The following TRPM2 variants were observed in gnomAD, a reference collection of about 807,000 sequenced individuals.
TRPM2 encodes the protein transient receptor potential cation channel subfamily M member 2, also known as estrogen-responsive element-associated gene 1 protein.
In TRPM2, 161 loss-of-function variants were observed where a neutral mutation model predicts 174.0. The ratio of observed to expected loss-of-function variants is 0.93; its 90% CI spans 0.81 to 1.05. The LOEUF is 1.05. TRPM2 is among the 50% of genes least tolerant of loss of function. The pLI, the probability that TRPM2 is intolerant of heterozygous loss-of-function variation, is 0.00. For missense variants in TRPM2, 2,057 were observed against 2,038.0 expected, an observed-to-expected ratio of 1.01 and a Z score of -0.18; for synonymous variants, 954 against 861.3, an observed-to-expected ratio of 1.11 and a Z score of -1.88.
chr21:44,401,586 G>T, intron 15 of TRPM2, 95 bp from the exon 16 acceptor site: 2 of 1,319,128 alleles, frequency 1.5e-6, no homozygotes, highest in South Asian at 1.2e-5. Context: ...ACATCTCTCT[G>T]AGGGGCACGG....
In TRPM2 at chr21:44,431,752, G is replaced by A. The variant is rs143256985; in HGVS notation, c.3975-3379G>A. Among the ~76,000 whole-genome samples, 442 of 152,258 alleles carry A rather than the reference G, an allele frequency of 2.9e-3. 1 individual carries two copies. Among genetic ancestry groups the A allele is most frequent in the African/African-American group, 9.7e-3 (401 of 41,550 alleles). On this transcript the variant is annotated intron_variant, in intron 27 of 31. Transcript: ENST00000397928. ...TGGCCTCCCAATGTGCTAGGATTAC[G>A]GGCGTGAGCCACTATGCCTGGTCAT... is the stretch of plus-strand genomic sequence containing the variant.
intron 23 of TRPM2, among the ~76,000 whole-genome samples, chr21:44,424,415 C>T (rs1445364229): frequency 6.6e-6 from 1 of 152,236 alleles, no homozygotes; most frequent in Non-Finnish European, 1.5e-5. Context: ...AGACATGTCC[C>T]ACTGTCCCCT....
rs1357201424 is a variant in TRPM2 at position 44,406,577 on chromosome 21, C to A, written c.2791-17C>A. On this transcript the variant is annotated splice_polypyrimidine_tract_variant and intron_variant, in intron 18 of 31. Transcript: ENST00000397928. ...GGGGGCCAGGAGAGTGTAGCCCACA[C>A]ACTCTCTGTCCTGCAGATGAAGGAC... The A allele has an allele frequency of 1.9e-6, 3 of 1,602,624 alleles. No individual in the cohort carries two copies. Among genetic ancestry groups the A allele is most frequent in the South Asian group, 2.2e-5 (2 of 90,470 alleles).
At chr21:44,355,968 C>T (rs1202598873) in intron 2 of TRPM2, among the ~76,000 whole-genome samples, 1 of 151,506 alleles carries the variant, frequency 6.6e-6, no homozygotes, top group East Asian at 1.9e-4. Context: ...CATCCTTCAG[C>T]ATACTTTAAA....
At chr21:44,412,431 G>A (rs1392868460) in intron 19 of TRPM2, among the ~76,000 whole-genome samples, 12 of 152,012 alleles carry the variant, frequency 7.9e-5, no homozygotes. Context: ...TGTAAGATTA[G>A]TAGTAATATC....
At chr21:44,420,443 A>G (rs1160804442) in intron 22 of TRPM2, among the ~76,000 whole-genome samples, 1 of 152,204 alleles carries the variant, frequency 6.6e-6, no homozygotes, top group Non-Finnish European at 1.5e-5. Flanking sequence ...AGGAAATCCT[A>G]TGCAATTCTG....
At position 44,430,694 on chromosome 21, in the gene TRPM2, G is replaced by A. The variant is rs554918064; in HGVS notation, c.3974+3583G>A. On this transcript the variant is annotated intron_variant, in intron 27 of 31. Transcript: ENST00000397928. The stretch of plus-strand genomic sequence containing the variant: ...TCCACCCGCCTCGGCCTCCCAAAGT[G>A]CTGGGATTACAGGCGTGAGCCACCG... 2.6e-4 allele frequency among the ~76,000 whole-genome samples: 2 copies of A among 7,780 alleles called. 1 individual carries two copies. Among genetic ancestry groups the A allele is most frequent in the South Asian group, 6.8e-3 (2 of 294 alleles). 5.1% of individuals were successfully genotyped at this position (7,780 alleles called of 152,430 possible). A position where few individuals can be genotyped will look rare whatever the true frequency, so the allele number is the denominator to read the frequency against.
chr21:44,437,211 T>C, intron 29 of TRPM2, 44 bp downstream of exon 29: 3 of 1,512,292 alleles, frequency 2.0e-6, no homozygotes, highest in Non-Finnish European at 2.7e-6. Flanking sequence ...GGGCTGTCTG[T>C]GGGTCACTCG....
At position 44,366,009 on chromosome 21, in the gene TRPM2, C is replaced by T. The variant is rs148684374; in HGVS notation, c.424-745C>T. Among the ~76,000 whole-genome samples the T allele has an allele frequency of 3.7e-3, 564 of 152,338 alleles. 3 individuals are homozygous for T. The highest frequency in any genetic ancestry group is 0.013 in the African/African-American group (545 of 41,582). On this transcript the variant is annotated intron_variant, in intron 3 of 31. Coordinates refer to ENST00000397928, the MANE Select transcript of TRPM2 (RefSeq NM_003307.4). The surrounding 1 kb of genome is among the most constrained non-coding windows in gnomAD (Gnocchi z 6.0). The stretch of plus-strand genomic sequence containing the variant: ...TGGCATTTCTGGATTTCACCCATCA[C>T]CTTTGTGTCTCTGCTAGGCCAATCC...
At position 44,354,653 on chromosome 21, in the gene TRPM2, A is replaced by C; in HGVS notation, c.171A>C (p.Glu57Asp). The C allele has an allele frequency of 6.2e-7, 1 of 1,614,112 alleles. No homozygotes were observed. Among genetic ancestry groups the C allele is most frequent in the South Asian group, 1.1e-5 (1 of 91,086 alleles). ...TGTGCTGTCTTTACCTTCAGCAAGA[A>C]AGCCTCAGTTCGTGGATTCCTGAAA... Reference protein sequence around the residue: ...QCPFGNNDKQESLSSWIPENI... With the variant: ...QCPFGNNDKQDSLSSWIPENI... The change falls in exon 2 of 32, where the codon GAA becomes GAC. Residue 57 changes from glutamate (E) to aspartate (D), a missense_variant. Coordinates refer to ENST00000397928, the MANE Select transcript of TRPM2 (RefSeq NM_003307.4). The surrounding 1 kb of genome is among the most constrained non-coding windows in gnomAD (Gnocchi z 4.3).
At chr21:44,380,515 T>C (rs950825086) in intron 8 of TRPM2, among the ~76,000 whole-genome samples, 1 of 152,220 alleles carries the variant, frequency 6.6e-6, no homozygotes, top group Admixed American at 6.5e-5. Flanking sequence ...TAATGCACTC[T>C]CCATAGCCAA....
chr21:44,379,571 G>A (rs770631726), intron 8 of TRPM2, among the ~76,000 whole-genome samples: 1 of 152,248 alleles, frequency 6.6e-6, no homozygotes, highest in Non-Finnish European at 1.5e-5. Context: ...GCTGTGGGTC[G>A]CAGGGTCCAG....
At position 44,367,300 on chromosome 21, in the gene TRPM2, C is replaced by T. The variant is rs1407033560; in HGVS notation, c.604+366C>T. Among the ~76,000 whole-genome samples the T allele has an allele frequency of 1.3e-5, 2 of 151,986 alleles. No individual in the cohort carries two copies. The highest frequency in any genetic ancestry group is 2.9e-5 in the Non-Finnish European group (2 of 67,976). On this transcript the variant is annotated intron_variant, in intron 4 of 31. Coordinates refer to ENST00000397928, the MANE Select transcript of TRPM2 (RefSeq NM_003307.4). The surrounding 1 kb of genome is among the most constrained non-coding windows in gnomAD (Gnocchi z 4.6). Reference sequence around the variant, plus strand: ...GGGAATCTTGGTGGCCTGAGAACCTCGGTGGCCTGGGTGCACGGCTGGGGC... The same window carrying T: ...GGGAATCTTGGTGGCCTGAGAACCTTGGTGGCCTGGGTGCACGGCTGGGGC...
chr21:44,413,869 C>T, intron 19 of TRPM2, 22 bp from the exon 20 acceptor site: 1 of 1,600,042 alleles, frequency 6.2e-7, no homozygotes, highest in Non-Finnish European at 8.6e-7. Flanking sequence ...CTTGGCTCAC[C>T]CACCCCCATT....
chr21:44,390,873 C>T (rs758480445), intron 9 of TRPM2, 31 bp from the exon 10 acceptor site: 44 of 1,613,000 alleles, frequency 2.7e-5, no homozygotes, highest in Middle Eastern at 1.7e-4. Context: ...AGCTCCAGAT[C>T]GAGGCCCAAT....
intron 27 of TRPM2, among the ~76,000 whole-genome samples, chr21:44,427,883 G>A (rs754217140): frequency 1.4e-4 from 21 of 152,118 alleles, no homozygotes; most frequent in African/African-American, 4.1e-4. Context: ...AGCTGCAGGC[G>A]GCCCGCTCTG....
intron 16 of TRPM2, among the ~76,000 whole-genome samples, chr21:44,402,390 T>A (rs2049650620): frequency 6.6e-6 from 1 of 152,158 alleles, no homozygotes; most frequent in African/African-American, 2.4e-5. Flanking sequence ...GCCCAGGGCA[T>A]CCGGCCAGTC....
At chr21:44,403,021 A>G (rs986971914) in intron 16 of TRPM2, among the ~76,000 whole-genome samples, 6 of 152,142 alleles carry the variant, frequency 3.9e-5, no homozygotes, top group Non-Finnish European at 7.4e-5. Flanking sequence ...GATCAGGTCC[A>G]GGACTTGGCG....
chr21:44,416,656 T>C, intron 20 of TRPM2: 1 of 182,584 alleles, frequency 5.5e-6, no homozygotes, highest in South Asian at 9.2e-5. Context: ...CTTGCTTTGG[T>C]TCCCAGGAAG....
Sources: gnomAD v4.1 joint callset for allele counts (sites outside exome capture counted in the v4.1 genomes callset) on GRCh38, gnomAD v4.1.1 for gene constraint, Gnocchi (gnomAD v3.1) non-coding constraint, MANE v1.5 for transcripts, NCBI Gene and HGNC (gene_info 2026-07-23, HGNC 2026-07-21) for gene names.